The following ARHGAP22 variants were observed in gnomAD, a reference collection of about 807,000 sequenced individuals.
ARHGAP22 encodes Rho GTPase activating protein 22.
ARHGAP22 carries 48 observed loss-of-function variants against 59.1 expected under a neutral mutation model. The ratio of observed to expected loss-of-function variants is 0.81; its 90% CI spans 0.64 to 1.03. ARHGAP22 has a LOEUF of 1.03. Ranked by LOEUF, ARHGAP22 falls within the 50% of genes least tolerant of loss-of-function variation. The pLI is 0.00. For synonymous variants in ARHGAP22, 445 were observed against 416.4 expected (o/e 1.07, Z -0.84); for missense variants, 1,015 against 958.7 (o/e 1.06, Z -0.78).
chr10:48,448,262 C>T (rs1313221381), intron 9 of ARHGAP22, among the ~76,000 whole-genome samples: 1 of 152,208 alleles, frequency 6.6e-6, no homozygotes, highest in Non-Finnish European at 1.5e-5. Flanking sequence ...TCTGGGGTCT[C>T]CTTCCCAGGG....
At chr10:48,626,745 G>A (rs928815024) in intron 1 of ARHGAP22, among the ~76,000 whole-genome samples, 6 of 152,216 alleles carry the variant, frequency 3.9e-5, no homozygotes, top group African/African-American at 4.8e-5. Context: ...CCAGGCATGA[G>A]CTCCTAAAAC....
At chr10:48,644,305 G>A (rs1589301117) in intron 1 of ARHGAP22, among the ~76,000 whole-genome samples, 1 of 152,182 alleles carries the variant, frequency 6.6e-6, no homozygotes, top group African/African-American at 2.4e-5. Flanking sequence ...CGGTATTGAA[G>A]AAGAAACAGA....
intron 2 of ARHGAP22, among the ~76,000 whole-genome samples, chr10:48,562,085 G>A (rs999897046): frequency 3.3e-5 from 5 of 152,070 alleles, no homozygotes; most frequent in African/African-American, 1.2e-4. Context: ...AATTTGCGGG[G>A]TGTGTTGGCA....
chr10:48,552,268 G>A (rs373586383), intron 3 of ARHGAP22, among the ~76,000 whole-genome samples: 2 of 152,270 alleles, frequency 1.3e-5, no homozygotes, highest in East Asian at 3.8e-4. Flanking sequence ...AGTACCACAG[G>A]CCAGCACAGG....
At chr10:48,646,994 T>C (rs1490454466) in intron 1 of ARHGAP22, among the ~76,000 whole-genome samples, 2 of 152,344 alleles carry the variant, frequency 1.3e-5, no homozygotes, top group East Asian at 3.9e-4. Context: ...ATATATCTGA[T>C]AATAGATTTG....
In ARHGAP22 at chr10:48,446,320, C is replaced by T; in HGVS notation, c.*71G>A. On this transcript the variant is annotated 3_prime_UTR_variant, in exon 10 of 10. Transcript: ENST00000249601. ...AGAGCGCCTGGCTGCTCCAGAGATA[C>T]AGACGCTTCTAACTCCATACAAGGC... 6.5e-7 allele frequency: 1 copy of T among 1,537,040 alleles called. No homozygotes were observed. Among genetic ancestry groups the T allele is most frequent in the Non-Finnish European group, 8.9e-7 (1 of 1,123,694 alleles).
intron 2 of ARHGAP22, among the ~76,000 whole-genome samples, chr10:48,572,446 C>T (rs2058455857): frequency 6.6e-6 from 1 of 152,222 alleles, no homozygotes; most frequent in South Asian, 2.1e-4. Context: ...AATAGGCTGG[C>T]TCTGACCAGT....
the ARHGAP22 span, chr10:48,435,422 G>GT: frequency 1.7e-4 from 26 of 157,440 alleles, no homozygotes; most frequent in South Asian, 1.2e-3. Context: ...GATTTTTATA[G>GT]TTTTTTTTAA....
At chr10:48,492,503 A>C (rs1242588772) in intron 3 of ARHGAP22, among the ~76,000 whole-genome samples, 1 of 152,246 alleles carries the variant, frequency 6.6e-6, no homozygotes, top group African/African-American at 2.4e-5. Flanking sequence ...CTACACTCAA[A>C]AAGTAAAAAG....
At chr10:48,555,394 C>G in intron 3 of ARHGAP22, 69 bp downstream of exon 3, 2 of 1,489,184 alleles carry the variant, frequency 1.3e-6, no homozygotes, top group Non-Finnish European at 1.9e-6. Flanking sequence ...CGAAGGTCTG[C>G]CCTTCCCAGG....
intron 5 of ARHGAP22, among the ~76,000 whole-genome samples, chr10:48,455,454 T>C (rs941539832): frequency 1.3e-5 from 2 of 152,200 alleles, no homozygotes; most frequent in African/African-American, 4.8e-5. Flanking sequence ...CTGTCCTGCG[T>C]AGACTGCGTA....
intron 3 of ARHGAP22, among the ~76,000 whole-genome samples, chr10:48,508,390 CTGGCA>C (rs1359108743): frequency 1.3e-5 from 2 of 152,258 alleles, no homozygotes; most frequent in African/African-American, 4.8e-5. Flanking sequence ...TTCAGTGCGG[CTGGCA>C]TGGCTGCCCA....
intron 2 of ARHGAP22, among the ~76,000 whole-genome samples, chr10:48,567,980 A>T (rs1198800219): frequency 2.0e-5 from 3 of 152,256 alleles, no homozygotes; most frequent in Non-Finnish European, 4.4e-5. Flanking sequence ...TTATAAAATC[A>T]TAGCACTAAT....
chr10:48,602,307 A>T (rs1207954032), intron 1 of ARHGAP22, among the ~76,000 whole-genome samples: 1 of 152,208 alleles, frequency 6.6e-6, no homozygotes, highest in Non-Finnish European at 1.5e-5. Context: ...GAGATGGTTA[A>T]AGCTCCTATA....
At chr10:48,561,032 C>T (rs1178039405) in intron 2 of ARHGAP22, among the ~76,000 whole-genome samples, 1 of 152,048 alleles carries the variant, frequency 6.6e-6, no homozygotes, top group Non-Finnish European at 1.5e-5. Context: ...GGAAAGTATG[C>T]TCATTCTGAA....
chr10:48,455,910 C>T (rs2133704993), intron 5 of ARHGAP22, among the ~76,000 whole-genome samples: 1 of 152,312 alleles, frequency 6.6e-6, no homozygotes, highest in Middle Eastern at 3.4e-3. Flanking sequence ...GGCTTCTAAG[C>T]TCATCACCCC....
At chr10:48,515,961 C>G (rs1023488876) in intron 3 of ARHGAP22, among the ~76,000 whole-genome samples, 3 of 151,392 alleles carry the variant, frequency 2.0e-5, no homozygotes, top group African/African-American at 7.3e-5. Flanking sequence ...CAGCAGTGAG[C>G]TATGATTGTG....
At chr10:48,577,099 TTG>T (rs1224049491) in intron 2 of ARHGAP22, among the ~76,000 whole-genome samples, 3 of 152,064 alleles carry the variant, frequency 2.0e-5, no homozygotes, top group Admixed American at 6.5e-5. Context: ...GGACATTGGG[TTG>T]TCTCTCTTAT....
intron 1 of ARHGAP22, among the ~76,000 whole-genome samples, chr10:48,637,681 G>T (rs990862676): frequency 6.6e-6 from 1 of 152,056 alleles, no homozygotes; most frequent in Non-Finnish European, 1.5e-5. Context: ...GAGTGGATGG[G>T]TGGATGGATG....
Sources: allele counts gnomAD v4.1 joint callset (sites outside exome capture counted in the v4.1 genomes callset), GRCh38; gene constraint gnomAD v4.1.1; transcripts MANE v1.5; gene names NCBI Gene and HGNC (gene_info 2026-07-23, HGNC 2026-07-21).